The following CEP43 variants were observed in gnomAD, a reference collection of about 807,000 sequenced individuals.
CEP43 encodes the protein FGFR1 oncogene partner.
In CEP43, 36 loss-of-function variants were observed where a neutral mutation model predicts 52.6. That is an observed-to-expected ratio of 0.68 (90% confidence interval 0.52 to 0.90). CEP43 has a LOEUF of 0.90. Among genes scored for constraint, CEP43 ranks in the 40% least tolerant of loss-of-function variants. The pLI is 0.00. For synonymous variants in CEP43, 192 were observed against 172.4 expected (o/e 1.11, Z -0.89); for missense variants, 506 against 472.8 (o/e 1.07, Z -0.65).
chr6:167,014,511 T>C (rs988022330), intron 7 of CEP43, among the ~76,000 whole-genome samples: 5 of 152,244 alleles, frequency 3.3e-5, no homozygotes, highest in African/African-American at 1.2e-4. Flanking sequence ...AGACAAAATA[T>C]TTAATTTTCA....
chr6:167,025,624 G>A (rs1057116157), intron 9 of CEP43, among the ~76,000 whole-genome samples: 2 of 152,204 alleles, frequency 1.3e-5, no homozygotes, highest in African/African-American at 4.8e-5. Context: ...CAGTATTTCC[G>A]AATCTTTTTG....
chr6:167,015,211 T>C (rs1780067444), intron 7 of CEP43, among the ~76,000 whole-genome samples: 1 of 152,192 alleles, frequency 6.6e-6, no homozygotes, highest in Non-Finnish European at 1.5e-5. Context: ...TTCTATTTCA[T>C]TGTTGTGTTC....
At position 167,010,822 on chromosome 6, in the gene CEP43, G is replaced by A. The variant is rs1007549396; in HGVS notation, c.448G>A (p.Asp150Asn). ...AACTAAAATATTTTAGGGTGCACTT[G>A]ATCTATCTGATGTACATTCTCCACC... ...KGPTTGEGAL[D>N]LSDVHSPPKS... is the part of the protein sequence containing the mutation. The change falls in exon 6 of 13, where the codon GAT becomes AAT. Residue 150 changes from aspartate to asparagine, a missense_variant. Coordinates refer to ENST00000366847, the MANE Select transcript of CEP43 (RefSeq NM_007045.4). The A allele has an allele frequency of 7.1e-6, 11 of 1,556,474 alleles. No homozygotes were observed. Among genetic ancestry groups the A allele is most frequent in the Non-Finnish European group, 9.6e-6 (11 of 1,150,242 alleles).
intron 7 of CEP43, among the ~76,000 whole-genome samples, chr6:167,019,235 TGCATACACCTGCTGTGCACAC>T (rs998775825): frequency 4.0e-5 from 6 of 151,880 alleles, no homozygotes; most frequent in African/African-American, 7.3e-5. Context: ...TCTGTGCACA[TGCATACACCTGCTGTGCACAC>T]GCATACACCT....
chr6:167,016,912 C>T (rs1357199035), intron 7 of CEP43, among the ~76,000 whole-genome samples: 2 of 151,994 alleles, frequency 1.3e-5, no homozygotes, highest in African/African-American at 4.8e-5. Flanking sequence ...ATTGCTTTCA[C>T]ACCTGCAGAT....
chr6:167,004,481 G>C (rs992162508), intron 5 of CEP43, 80 bp downstream of exon 5: 2 of 1,178,914 alleles, frequency 1.7e-6, no homozygotes, highest in African/African-American at 3.2e-5. Context: ...TGCATATATA[G>C]TAAATTAAGG....
chr6:167,009,581 C>T (rs2128659384), intron 5 of CEP43, among the ~76,000 whole-genome samples: 1 of 144,498 alleles, frequency 6.9e-6, no homozygotes, highest in African/African-American at 2.6e-5. Flanking sequence ...AAGAGAATCG[C>T]TTGAACCCGG....
intron 12 of CEP43, 32 bp from the exon 13 acceptor site, chr6:167,039,872 C>CTTAAT: frequency 6.2e-7 from 1 of 1,610,248 alleles, no homozygotes; most frequent in Non-Finnish European, 8.5e-7. Context: ...CATTCTGACA[C>CTTAAT]TTAATTATTT....
rs1429674713 is a variant in CEP43, at chr6:167,041,864, C to T, written c.*1886C>T. On this transcript the variant is annotated 3_prime_UTR_variant, in exon 13 of 13. Transcript: ENST00000366847. ...GGGGGGACAGAGTCTCACTGTGTCA[C>T]TCAGACTGGAGTACAGTGATGCGAT... The T allele has an allele frequency of 7.6e-6, 7 of 925,276 alleles. No individual in the cohort carries two copies. In the East Asian group the frequency reaches 5.1e-4, roughly 68 times the overall value. The allele number at this position is 925,276 out of a possible 1,614,324, so 57.3% of individuals were successfully genotyped here. A position where few individuals can be genotyped will look rare whatever the true frequency, so the allele number is the denominator to read the frequency against.
At chr6:167,023,392 T>C (rs78191971) in intron 8 of CEP43, among the ~76,000 whole-genome samples, 3,084 of 152,068 alleles carry the variant, frequency 0.02, 52 homozygotes, top group East Asian at 0.092. Context: ...ATATACAGAG[T>C]GGCATCATGG....
At chr6:167,008,721 G>A (rs531663205) in intron 5 of CEP43, among the ~76,000 whole-genome samples, 29 of 151,938 alleles carry the variant, frequency 1.9e-4, no homozygotes, top group Middle Eastern at 3.4e-3. Context: ...TGATCCACCC[G>A]CCTTGGCCTC....
At chr6:167,012,647 G>A (rs1027352896) in intron 6 of CEP43, among the ~76,000 whole-genome samples, 4 of 152,124 alleles carry the variant, frequency 2.6e-5, no homozygotes, top group African/African-American at 4.8e-5. Context: ...TATAATGTAT[G>A]TCTTCAGGGT....
At chr6:167,027,560 A>G (rs1319397881) in intron 10 of CEP43, among the ~76,000 whole-genome samples, 2 of 152,176 alleles carry the variant, frequency 1.3e-5, no homozygotes, top group Non-Finnish European at 2.9e-5. Context: ...AGCCCTGTCC[A>G]AGGGGCAGCT....
rs1562536843 is a variant in CEP43, at chr6:167,042,116, C to T, written c.*2138C>T. ...ACAGGCGTGAACCACCGCACCTGGCCAGTACTACATCCATTTTATTGAATG... is the reference window on the plus strand; with the variant it reads ...ACAGGCGTGAACCACCGCACCTGGCTAGTACTACATCCATTTTATTGAATG... On this transcript the variant is annotated 3_prime_UTR_variant, in exon 13 of 13. Coordinates refer to ENST00000366847, the MANE Select transcript of CEP43 (RefSeq NM_007045.4). 1 of 1,008,280 alleles carries T rather than the reference C, an allele frequency of 9.9e-7. No homozygotes were observed. The highest frequency in any genetic ancestry group is 1.2e-6 in the Non-Finnish European group (1 of 842,786). 62.5% of individuals were successfully genotyped at this position (1,008,280 alleles called of 1,614,324 possible). A position where few individuals can be genotyped will look rare whatever the true frequency, so the allele number is the denominator to read the frequency against.
intron 5 of CEP43, among the ~76,000 whole-genome samples, chr6:167,009,596 C>A (rs184055210): frequency 7.1e-6 from 1 of 140,686 alleles, no homozygotes; most frequent in South Asian, 2.2e-4. Flanking sequence ...ACCCGGCAGT[C>A]GGAGGTTGCA....
intron 12 of CEP43, chr6:167,036,901 G>A: frequency 3.3e-6 from 1 of 302,654 alleles, no homozygotes; most frequent in Non-Finnish European, 4.9e-6. Flanking sequence ...TCTGCCTCCT[G>A]GGATCAAGCA....
At chr6:167,014,917 C>A (rs1780060484) in intron 7 of CEP43, among the ~76,000 whole-genome samples, 1 of 152,122 alleles carries the variant, frequency 6.6e-6, no homozygotes, top group African/African-American at 2.4e-5. Flanking sequence ...GTTTCTTGGG[C>A]TTTTCTAAAA....
chr6:167,002,316 T>C (rs1450154173), intron 2 of CEP43, among the ~76,000 whole-genome samples: 2 of 152,222 alleles, frequency 1.3e-5, no homozygotes, highest in Non-Finnish European at 2.9e-5. Context: ...TGTTGTGGTA[T>C]GTATTAATAA....
chr6:167,000,040 TTTC>T lies in CEP43; in HGVS notation c.103-17_103-15del, dbSNP rs1286110335. 1.9e-6 allele frequency: 3 copies of T among 1,597,968 alleles called. No homozygotes were observed. The highest frequency in any genetic ancestry group is 1.7e-5 in the Admixed American group (1 of 58,986). On this transcript the variant is annotated splice_polypyrimidine_tract_variant and intron_variant, in intron 1 of 12. Transcript: ENST00000366847. ...ATTGTCTTGAAATTATAATTTCCTG[TTTC>T]TTAACTTTTTTTTAAGGCTGAACTC...
Sources: allele counts gnomAD v4.1 joint callset (sites outside exome capture counted in the v4.1 genomes callset), GRCh38; gene constraint gnomAD v4.1.1; transcripts MANE v1.5; gene names NCBI Gene and HGNC (gene_info 2026-07-23, HGNC 2026-07-21).